MTHFD1L: variants seen among roughly 807,000 people sequenced by gnomAD.
MTHFD1L encodes the protein methylenetetrahydrofolate dehydrogenase (NADP+ dependent) 1 like.
Under a neutral mutation model 119.5 loss-of-function variants are expected in MTHFD1L, and 81 were observed. That is an observed-to-expected ratio of 0.68 (90% confidence interval 0.57 to 0.82). The LOEUF (loss-of-function observed/expected upper bound fraction) is 0.82. Ranked by LOEUF, MTHFD1L falls within the 40% of genes least tolerant of loss-of-function variation. The pLI is 0.00. For missense variants in MTHFD1L, 1,125 were observed against 1,253.4 expected, an observed-to-expected ratio of 0.90 and a Z score of 1.55; for synonymous variants, 430 against 475.2, an observed-to-expected ratio of 0.90 and a Z score of 1.24.
intron 4 of MTHFD1L, among the ~76,000 whole-genome samples, chr6:150,880,045 A>C (rs1482865637): frequency 6.6e-6 from 1 of 152,160 alleles, no homozygotes; most frequent in African/African-American, 2.4e-5. Context: ...TATGTTGTGT[A>C]ATGATCAAAT....
At chr6:151,100,227 G>A (rs959964226) in intron 27 of MTHFD1L, among the ~76,000 whole-genome samples, 1 of 151,898 alleles carries the variant, frequency 6.6e-6, no homozygotes, top group East Asian at 1.9e-4. Flanking sequence ...TAATAGACAC[G>A]GGGTTTCACC....
intron 11 of MTHFD1L, among the ~76,000 whole-genome samples, chr6:150,936,533 G>A (rs1792086138): frequency 6.6e-6 from 1 of 152,138 alleles, no homozygotes; most frequent in Non-Finnish European, 1.5e-5. Context: ...TTTGATGAGT[G>A]GTTTTATGGC....
rs571713892 is a variant in MTHFD1L, at chr6:151,013,688, A to T, written c.2266-91A>T. ...CAAAACATAGAGGTACATTTCTAAA[A>T]ATTGAATGTGATTATGTTGTTCTTT... On this transcript the variant is annotated intron_variant, in intron 21 of 27. Transcript: ENST00000367321. 3.2e-5 allele frequency: 38 copies of T among 1,205,522 alleles called. No individual in the cohort carries two copies. The African/African-American group carries it at 4.5e-4, about 14-fold the overall frequency. The allele number at this position is 1,205,522 out of a possible 1,614,324, so 74.7% of individuals were successfully genotyped here.
chr6:150,959,061 G>A (rs1757363558), intron 17 of MTHFD1L: 1 of 398,758 alleles, frequency 2.5e-6, no homozygotes, highest in Admixed American at 6.4e-5. Flanking sequence ...TGGTAGTATA[G>A]AGAACCCTAA....
At chr6:150,876,222 AT>A in intron 2 of MTHFD1L, 48 bp downstream of exon 2, 9 of 1,383,982 alleles carry the variant, frequency 6.5e-6, no homozygotes, top group Non-Finnish European at 8.8e-6. Flanking sequence ...ATGCCTTTCA[AT>A]TTAGAAAATG....
At chr6:151,082,537 C>G (rs1047324377) in intron 26 of MTHFD1L, among the ~76,000 whole-genome samples, 14 of 151,996 alleles carry the variant, frequency 9.2e-5, no homozygotes, top group Admixed American at 8.5e-4. Flanking sequence ...ACTAATGAAA[C>G]CTTTTTTCCC....
intron 27 of MTHFD1L, among the ~76,000 whole-genome samples, chr6:151,093,378 C>G (rs1026747621): frequency 1.9e-5 from 2 of 104,600 alleles, no homozygotes; most frequent in African/African-American, 3.9e-5. Flanking sequence ...TCTGCAAAGA[C>G]CCTCCTTCCA....
intron 20 of MTHFD1L, chr6:150,985,260 G>T (rs1031369520): frequency 1.4e-4 from 21 of 152,156 alleles, no homozygotes; most frequent in African/African-American, 5.1e-4. Flanking sequence ...AACTCACTGA[G>T]AAATTTGACT....
intron 27 of MTHFD1L, among the ~76,000 whole-genome samples, chr6:151,097,947 G>A (rs963913945): frequency 6.6e-6 from 1 of 152,130 alleles, no homozygotes; most frequent in Non-Finnish European, 1.5e-5. Flanking sequence ...GTCCGAGTGG[G>A]TGGATCACTT....
At chr6:151,063,267 T>G (rs903177771) in intron 26 of MTHFD1L, among the ~76,000 whole-genome samples, 2 of 152,186 alleles carry the variant, frequency 1.3e-5, no homozygotes, top group African/African-American at 4.8e-5. Flanking sequence ...TATCATCAAG[T>G]AGGTGTCAAG....
Position 151,009,892 on chromosome 6 carries a change from G to C in MTHFD1L, c.2199G>C (p.Leu733Phe), listed in dbSNP as rs1282705649. The change falls in exon 21 of 28, where the codon TTG (leucine) becomes TTC (phenylalanine). Residue 733 changes from leucine (L) to phenylalanine (F), a missense_variant. Physicochemically the swap from Leu to Phe is conservative, Grantham distance 22. Coordinates refer to ENST00000367321, the MANE Select transcript of MTHFD1L (RefSeq NM_015440.5). The part of the protein sequence containing the change: ...FFNIKCRASG[L>F]VPNVVVLVAT... ...ACATCAAGTGCCGAGCTTCCGGCTT[G>C]GTGCCCAACGTGGTTGTGTTAGTGG... 2 of 1,613,750 alleles carry C rather than the reference G, an allele frequency of 1.2e-6. No homozygotes were observed. The highest frequency in any genetic ancestry group is 1.7e-6 in the Non-Finnish European group (2 of 1,179,874).
intron 1 of MTHFD1L, among the ~76,000 whole-genome samples, chr6:150,871,386 G>T (rs1399637145): frequency 1.4e-5 from 2 of 147,994 alleles, no homozygotes; most frequent in Admixed American, 1.4e-4. Context: ...GTGCTACAGA[G>T]AAAATGGTAA....
intron 26 of MTHFD1L, among the ~76,000 whole-genome samples, chr6:151,087,583 A>G (rs1048939137): frequency 6.6e-6 from 1 of 152,230 alleles, no homozygotes; most frequent in Non-Finnish European, 1.5e-5. Context: ...CAACAAAACT[A>G]AGTACAACGA....
At chr6:151,028,313 A>G (rs1218811729) in intron 24 of MTHFD1L, among the ~76,000 whole-genome samples, 1 of 152,134 alleles carries the variant, frequency 6.6e-6, no homozygotes, top group East Asian at 1.9e-4. Context: ...GTAACAAAAA[A>G]ATGTATGTTG....
intron 17 of MTHFD1L, among the ~76,000 whole-genome samples, chr6:150,958,090 A>G (rs1771821): frequency 0.28 from 43,142 of 152,020 alleles, 6,464 homozygotes; most frequent in East Asian, 0.49. Flanking sequence ...TTTGCAAATG[A>G]GGAAATTGGG....
At chr6:150,935,428 T>G in intron 11 of MTHFD1L, 2 of 1,613,628 alleles carry the variant, frequency 1.2e-6, no homozygotes, top group Non-Finnish European at 1.7e-6. Flanking sequence ...TAGCAATGGG[T>G]GAACTGAGCT....
intron 24 of MTHFD1L, among the ~76,000 whole-genome samples, chr6:151,022,715 G>A (rs1037443493): frequency 6.6e-6 from 1 of 152,174 alleles, no homozygotes; most frequent in African/African-American, 2.4e-5. Flanking sequence ...GCCAGCCTGA[G>A]TCAGTAGCCC....
chr6:150,867,494 A>G (rs1337650432), intron 1 of MTHFD1L, among the ~76,000 whole-genome samples: 1 of 152,214 alleles, frequency 6.6e-6, no homozygotes, highest in Non-Finnish European at 1.5e-5. Flanking sequence ...TTTAACCTGC[A>G]CGTTGCTGAG....
chr6:151,035,349 G>A (rs1289851307), intron 25 of MTHFD1L, among the ~76,000 whole-genome samples: 5 of 152,186 alleles, frequency 3.3e-5, no homozygotes, highest in Admixed American at 1.3e-4. Context: ...TTAAGAGCCT[G>A]CTGGCTAAAG....
Sources: gnomAD v4.1 joint callset for allele counts (sites outside exome capture counted in the v4.1 genomes callset) on GRCh38, gnomAD v4.1.1 for gene constraint, MANE v1.5 for transcripts, NCBI Gene and HGNC (gene_info 2026-07-23, HGNC 2026-07-21) for gene names.